FBXO25: variants seen among roughly 807,000 people sequenced by gnomAD.
The protein encoded by FBXO25 is F-box protein 25.
Under a neutral mutation model 51.9 loss-of-function variants are expected in FBXO25, and 45 were observed. That is an observed-to-expected ratio of 0.87 (90% CI 0.68 to 1.11). The LOEUF is 1.11. FBXO25 is among the 50% of genes most tolerant of loss of function. FBXO25 has a pLI of 0.00. For missense variants in FBXO25, 507 were observed against 428.5 expected, an observed-to-expected ratio of 1.18 and a Z score of -1.62; for synonymous variants, 199 against 151.0, an observed-to-expected ratio of 1.32 and a Z score of -2.33.
chr8:460,627 G>T (rs1161252140), intron 8 of FBXO25, among the ~76,000 whole-genome samples: 1 of 152,174 alleles, frequency 6.6e-6, no homozygotes, highest in African/African-American at 2.4e-5. Flanking sequence ...TTTGAGTTCA[G>T]AAAAATCACA....
At chr8:427,496 A>T (rs2117575665) in intron 2 of FBXO25, among the ~76,000 whole-genome samples, 1 of 151,646 alleles carries the variant, frequency 6.6e-6, no homozygotes, top group Middle Eastern at 3.4e-3. Flanking sequence ...TATCAAACTG[A>T]AGTAACTTGA....
intron 1 of FBXO25, among the ~76,000 whole-genome samples, chr8:411,828 C>A (rs535171784): frequency 6.6e-6 from 1 of 152,114 alleles, no homozygotes; most frequent in African/African-American, 2.4e-5. Context: ...TTTGAATCAG[C>A]AGTGTGAGCA....
chr8:451,912 G>A (rs556430488), intron 7 of FBXO25, among the ~76,000 whole-genome samples: 3 of 152,126 alleles, frequency 2.0e-5, no homozygotes, highest in Non-Finnish European at 4.4e-5. Flanking sequence ...TGCAAATCAT[G>A]TCAGTTTTTT....
At chr8:452,880 C>G (rs745847995) in intron 7 of FBXO25, among the ~76,000 whole-genome samples, 2 of 152,168 alleles carry the variant, frequency 1.3e-5, no homozygotes, top group African/African-American at 4.8e-5. Context: ...TGGGCCGAGA[C>G]AGAGCAGGAA....
chr8:426,150 AC>A (rs1223823674), intron 2 of FBXO25, among the ~76,000 whole-genome samples: 3 of 152,024 alleles, frequency 2.0e-5, no homozygotes, highest in Non-Finnish European at 2.9e-5. Flanking sequence ...AATAAAGACC[AC>A]CCTGCAGCTC....
chr8:447,186 C>T (rs1193324533), intron 5 of FBXO25, among the ~76,000 whole-genome samples: 1 of 152,160 alleles, frequency 6.6e-6, no homozygotes, highest in Non-Finnish European at 1.5e-5. Flanking sequence ...GGACCACTGA[C>T]AGCAAAGGGC....
At position 476,681 on chromosome 8, in the gene FBXO25, A is replaced by G. The variant is rs1800652619; in HGVS notation, c.*7877A>G. Reference sequence around the variant, plus strand: ...CTCTTAATCCTTTTTATTTCTGTAAAATCAGTTGTAATGTCTCCTCCTGGT... The same window carrying G: ...CTCTTAATCCTTTTTATTTCTGTAAGATCAGTTGTAATGTCTCCTCCTGGT... On this transcript the variant is annotated 3_prime_UTR_variant, in exon 10 of 10. Coordinates refer to ENST00000350302, the MANE Select transcript of FBXO25 (RefSeq NM_183420.2). 1 of 152,032 alleles carries G rather than the reference A, an allele frequency of 6.6e-6. No homozygotes were observed. The highest frequency in any genetic ancestry group is 6.6e-5 in the Admixed American group (1 of 15,262). 9.4% of individuals were successfully genotyped at this position (152,032 alleles called of 1,614,324 possible). A position where few individuals can be genotyped will look rare whatever the true frequency, so the allele number is the denominator to read the frequency against.
intron 1 of FBXO25, among the ~76,000 whole-genome samples, chr8:408,853 A>C (rs148761031): frequency 0.042 from 6,438 of 152,332 alleles, 194 homozygotes; most frequent in Middle Eastern, 0.065. Flanking sequence ...AAATGTGCTT[A>C]AAATTTGCAA....
Position 458,417 on chromosome 8 carries a change from A to C in FBXO25, c.709A>C (p.Asn237His). 6.2e-7 allele frequency: 1 copy of C among 1,614,184 alleles called. No individual in the cohort carries two copies. Among genetic ancestry groups the C allele is most frequent in the East Asian group, 2.2e-5 (1 of 44,880 alleles). ...TLSDLPLHML[N>H]NILYRFSDGW... The stretch of plus-strand genomic sequence containing the variant: ...CAGTGACCTTCCTCTGCACATGCTG[A>C]ACAACATCCTATACCGGTTCTCAGA... Residue 237 changes from asparagine to histidine, a missense_variant, in exon 8 of 10, where the codon AAC becomes CAC. Coordinates refer to ENST00000350302, the MANE Select transcript of FBXO25 (RefSeq NM_183420.2).
intron 2 of FBXO25, 69 bp downstream of exon 2, chr8:413,282 G>C (rs1308241491): frequency 7.1e-7 from 1 of 1,398,756 alleles, no homozygotes; most frequent in Non-Finnish European, 9.3e-7. Context: ...TATTTTTCAA[G>C]TCCCTGCAAA....
chr8:464,817 G>A (rs752707191), intron 9 of FBXO25, among the ~76,000 whole-genome samples: 2 of 152,134 alleles, frequency 1.3e-5, no homozygotes, highest in African/African-American at 2.4e-5. Flanking sequence ...TTTTATTTCT[G>A]ATTTATTGTT....
chr8:428,447 C>G (rs1279680170), intron 2 of FBXO25, among the ~76,000 whole-genome samples: 1 of 151,976 alleles, frequency 6.6e-6, no homozygotes, highest in Non-Finnish European at 1.5e-5. Context: ...CACCCCATCC[C>G]TCGGACATGC....
intron 2 of FBXO25, among the ~76,000 whole-genome samples, chr8:414,484 G>A (rs1347105157): frequency 6.6e-6 from 1 of 152,156 alleles, no homozygotes; most frequent in East Asian, 1.9e-4. Flanking sequence ...AAGCTGTAAT[G>A]CTTGAAGTGC....
chr8:423,699 G>A (rs1351689169), intron 2 of FBXO25, among the ~76,000 whole-genome samples: 1 of 152,152 alleles, frequency 6.6e-6, no homozygotes, highest in Non-Finnish European at 1.5e-5. Context: ...ACCATTGATG[G>A]GCACCTGGGT....
rs1800463638 is a variant in FBXO25 at position 470,895 on chromosome 8, T to A, written c.*2091T>A. The A allele has an allele frequency of 6.6e-6, 1 of 152,214 alleles. No homozygotes were observed. Among genetic ancestry groups the A allele is most frequent in the South Asian group, 2.1e-4 (1 of 4,828 alleles). 9.4% of individuals were successfully genotyped at this position (152,214 alleles called of 1,614,324 possible). A position where few individuals can be genotyped will look rare whatever the true frequency, so the allele number is the denominator to read the frequency against. ...ACTTAATGTGGTATTTGCCTGTTTT[T>A]TGGGGTGGATGTCAGTCTTTTTTCA... On this transcript the variant is annotated 3_prime_UTR_variant, in exon 10 of 10. Coordinates refer to ENST00000350302, the MANE Select transcript of FBXO25 (RefSeq NM_183420.2).
At chr8:467,150 C>T (rs567202744) in intron 9 of FBXO25, among the ~76,000 whole-genome samples, 1 of 152,090 alleles carries the variant, frequency 6.6e-6, no homozygotes, top group South Asian at 2.1e-4. Context: ...CCTGAACCAG[C>T]GGGGGAGAAC....
chr8:439,585 T>C (rs1287437114), intron 5 of FBXO25, among the ~76,000 whole-genome samples: 1 of 152,260 alleles, frequency 6.6e-6, no homozygotes, highest in African/African-American at 2.4e-5. Context: ...TGCCATCATT[T>C]ATTTTTATGT....
intron 2 of FBXO25, among the ~76,000 whole-genome samples, chr8:419,078 G>A (rs1199338896): frequency 1.3e-5 from 2 of 152,222 alleles, no homozygotes; most frequent in African/African-American, 2.4e-5. Flanking sequence ...TCAGAGCAAC[G>A]GCTGGGCGTG....
At chr8:411,451 C>T (rs538748621) in intron 1 of FBXO25, among the ~76,000 whole-genome samples, 3 of 151,988 alleles carry the variant, frequency 2.0e-5, no homozygotes, top group East Asian at 1.9e-4. Flanking sequence ...CTTGATTTCC[C>T]TCTCGACATA....
Sources: allele counts gnomAD v4.1 joint callset (sites outside exome capture counted in the v4.1 genomes callset), GRCh38; gene constraint gnomAD v4.1.1; transcripts MANE v1.5; gene names NCBI Gene and HGNC (gene_info 2026-07-23, HGNC 2026-07-21).